Variants in CRPPA observed in about 807,000 individuals in gnomAD.
The protein encoded by CRPPA is CDP-L-ribitol pyrophosphorylase A, also known as D-ribitol-5-phosphate cytidylyltransferase.
CRPPA carries 43 observed loss-of-function variants against 52.0 expected under a neutral mutation model. The observed-to-expected ratio is 0.83, with a 90% CI of 0.65 to 1.07. The LOEUF is 1.07. Among genes scored for constraint, CRPPA ranks in the 50% least tolerant of loss-of-function variants. The probability of loss-of-function intolerance (pLI) is 0.00; values close to 1 mark genes in which losing one functional copy is unlikely to be tolerated. For missense variants in CRPPA, 629 were observed against 551.7 expected (o/e 1.14, Z -1.40); for synonymous variants, 250 against 203.5 (o/e 1.23, Z -1.94).
chr7:16,327,448 C>A lies in CRPPA; in HGVS notation c.685-18821G>T, dbSNP rs1031622473. Among the ~76,000 whole-genome samples the A allele has an allele frequency of 1.1e-3, 160 of 151,916 alleles. 2 individuals carry two copies. Among genetic ancestry groups the A allele is most frequent in the Admixed American group, 0.01 (159 of 15,262 alleles). ...TCTACTAAAAATACAAAAAAATTAG[C>A]CGGGCGCGGTGGCGGGCGCCTGTAG... On this transcript the variant is annotated intron_variant, in intron 3 of 9. Transcript: ENST00000407010.
At chr7:16,302,387 C>G (rs1014462124) in intron 4 of CRPPA, among the ~76,000 whole-genome samples, 1 of 151,552 alleles carries the variant, frequency 6.6e-6, no homozygotes, top group Admixed American at 6.6e-5. Context: ...ATGTGTCTGT[C>G]CTATGGCAGA....
chr7:16,416,959 G>A (rs543786084), intron 1 of CRPPA, among the ~76,000 whole-genome samples: 2 of 152,204 alleles, frequency 1.3e-5, no homozygotes, highest in African/African-American at 4.8e-5. Flanking sequence ...AACTGAACCA[G>A]CAAAAAACAA....
chr7:16,273,191 G>A (rs558793324), intron 6 of CRPPA, among the ~76,000 whole-genome samples: 7 of 145,048 alleles, frequency 4.8e-5, no homozygotes, highest in South Asian at 2.2e-4. Context: ...CGGAAATCCC[G>A]GGTAGAAGAG....
intron 9 of CRPPA, among the ~76,000 whole-genome samples, chr7:16,156,568 C>G (rs1187020995): frequency 2.0e-5 from 3 of 152,082 alleles, no homozygotes; most frequent in Non-Finnish European, 4.4e-5. Flanking sequence ...TATGGCATCT[C>G]AGAAGATCAG....
chr7:16,111,696 T>C (rs1036235954), intron 9 of CRPPA, among the ~76,000 whole-genome samples: 3 of 152,300 alleles, frequency 2.0e-5, no homozygotes, highest in African/African-American at 7.2e-5. Flanking sequence ...GGTCCTTACT[T>C]ATATATGGAA....
intron 9 of CRPPA, among the ~76,000 whole-genome samples, chr7:16,173,493 G>A (rs1402060995): frequency 2.6e-5 from 4 of 152,136 alleles, no homozygotes; most frequent in Admixed American, 2.0e-4. Flanking sequence ...GTTGAAGGAT[G>A]AATGAGATTG....
At chr7:16,206,910 C>G (rs1412253377) in intron 9 of CRPPA, among the ~76,000 whole-genome samples, 1 of 152,014 alleles carries the variant, frequency 6.6e-6, no homozygotes, top group Admixed American at 6.6e-5. Flanking sequence ...AAGTTTGAAT[C>G]TTAATTAAAG....
At chr7:16,318,623 G>A (rs533699702) in intron 3 of CRPPA, among the ~76,000 whole-genome samples, 2 of 152,256 alleles carry the variant, frequency 1.3e-5, no homozygotes, top group African/African-American at 4.8e-5. Context: ...TGAGAGCTCT[G>A]CTCCTTGGGT....
chr7:16,161,379 T>G (rs1330067528), intron 9 of CRPPA, among the ~76,000 whole-genome samples: 1 of 152,142 alleles, frequency 6.6e-6, no homozygotes, highest in African/African-American at 2.4e-5. Context: ...GTTTATTGAG[T>G]GTTTCTAGCA....
intron 9 of CRPPA, among the ~76,000 whole-genome samples, chr7:16,161,486 T>C (rs1783303910): frequency 6.6e-6 from 1 of 152,212 alleles, no homozygotes; most frequent in African/African-American, 2.4e-5. Context: ...TGGATTACAT[T>C]TATTGGTTTG....
intron 9 of CRPPA, among the ~76,000 whole-genome samples, chr7:16,202,260 TG>T (rs1424990040): frequency 1.3e-5 from 2 of 152,176 alleles, no homozygotes; most frequent in African/African-American, 4.8e-5. Context: ...CGCTATAACT[TG>T]AACCTATAAA....
chr7:16,140,999 C>G (rs554621422), intron 9 of CRPPA, among the ~76,000 whole-genome samples: 19 of 152,116 alleles, frequency 1.2e-4, no homozygotes, highest in Non-Finnish European at 1.8e-4. Flanking sequence ...ATATTAAGAA[C>G]CTTGCCTAGA....
chr7:16,223,951 C>T (rs1166832505), intron 8 of CRPPA, among the ~76,000 whole-genome samples: 3 of 152,112 alleles, frequency 2.0e-5, no homozygotes, highest in Non-Finnish European at 4.4e-5. Flanking sequence ...ATTTCCCATG[C>T]AGTGTGACAT....
intron 3 of CRPPA, among the ~76,000 whole-genome samples, chr7:16,373,348 T>C (rs74660611): frequency 0.026 from 3,984 of 152,086 alleles, 72 homozygotes; most frequent in East Asian, 0.13. Flanking sequence ...AAGAGTGACC[T>C]AGGCAGAGGA....
intron 9 of CRPPA, among the ~76,000 whole-genome samples, chr7:16,162,973 C>CTTTTT (rs377244023): frequency 4.1e-5 from 5 of 120,830 alleles, no homozygotes; most frequent in African/African-American, 6.0e-5. Flanking sequence ...TTTTCTTTCT[C>CTTTTT]TTTTTTTTTT....
In CRPPA at chr7:16,264,101, T is replaced by C. The variant is rs558782673; in HGVS notation, c.934-5089A>G. 1.2e-3 allele frequency among the ~76,000 whole-genome samples: 189 copies of C among 152,312 alleles called. 1 individual carries two copies. Among genetic ancestry groups the C allele is most frequent in the Non-Finnish European group, 1.9e-3 (128 of 68,022 alleles). On this transcript the variant is annotated intron_variant, in intron 6 of 9. Transcript: ENST00000407010. The stretch of plus-strand genomic sequence containing the variant: ...AGAAAACAATCAGTATTTTCCATGC[T>C]TGAGTAAAGAAACTTAGATTTTACC...
intron 9 of CRPPA, among the ~76,000 whole-genome samples, chr7:16,134,600 C>T (rs1782731825): frequency 6.6e-6 from 1 of 152,126 alleles, no homozygotes; most frequent in South Asian, 2.1e-4. Flanking sequence ...GCATGAGGTT[C>T]AATGCCCCAA....
At chr7:16,286,044 A>AATATATATATATAT (rs1175134468) in intron 5 of CRPPA, among the ~76,000 whole-genome samples, 4 of 12,540 alleles carry the variant, frequency 3.2e-4, no homozygotes, top group Non-Finnish European at 4.8e-4. Flanking sequence ...AAAAAATATA[A>AATATATATATATAT]ATATATATAT....
At chr7:16,303,760 G>A (rs1361785292) in intron 4 of CRPPA, among the ~76,000 whole-genome samples, 2 of 152,134 alleles carry the variant, frequency 1.3e-5, no homozygotes, top group East Asian at 3.9e-4. Flanking sequence ...ACCATATTGT[G>A]TTTTTGAAAT....
Sources: gnomAD v4.1 joint callset for allele counts (sites outside exome capture counted in the v4.1 genomes callset) on GRCh38, gnomAD v4.1.1 for gene constraint, MANE v1.5 for transcripts, NCBI Gene and HGNC (gene_info 2026-07-23, HGNC 2026-07-21) for gene names.